The following RABGAP1L variants were observed in gnomAD, a reference collection of about 807,000 sequenced individuals.
The protein encoded by RABGAP1L is RAB GTPase activating protein 1 like.
Under a neutral mutation model 137.7 loss-of-function variants are expected in RABGAP1L, and 63 were observed. That is an observed-to-expected ratio of 0.46 (90% confidence interval 0.37 to 0.56). The LOEUF is 0.56. Among genes scored for constraint, RABGAP1L ranks in the 20% least tolerant of loss-of-function variants. The pLI is 0.00. For missense variants in RABGAP1L, 1,095 were observed against 1,244.0 expected (o/e 0.88, Z 1.80); for synonymous variants, 431 against 433.7 (o/e 0.99, Z 0.08).
intron 20 of RABGAP1L, among the ~76,000 whole-genome samples, chr1:174,966,099 A>G (rs1248478682): frequency 6.6e-6 from 1 of 152,226 alleles, no homozygotes; most frequent in Non-Finnish European, 1.5e-5. Flanking sequence ...GTACTTTTCC[A>G]TGAACATCCT....
At chr1:174,706,541 TAA>T (rs1558002539) in intron 17 of RABGAP1L, among the ~76,000 whole-genome samples, 2 of 152,124 alleles carry the variant, frequency 1.3e-5, no homozygotes, top group South Asian at 4.1e-4. Flanking sequence ...CTATCGATAA[TAA>T]AACATTGCAG....
rs188709915 is a variant in RABGAP1L, at chr1:174,495,839, A to T, written c.1710+101694A>T. On this transcript the variant is annotated intron_variant, in intron 13 of 25. Transcript: ENST00000681986. ...CCACACATCATTTTGCACACATATG[A>T]GTTTATCGATAGGATAAATTCCCAG... Among the ~76,000 whole-genome samples the T allele has an allele frequency of 2.4e-3, 361 of 152,298 alleles. 1 individual carries two copies. Among genetic ancestry groups the T allele is most frequent in the Middle Eastern group, 3.4e-3 (1 of 294 alleles).
chr1:174,987,284 AGCCGCCTGAGTAGCTGGGACTATAG>A (rs548320402), intron 24 of RABGAP1L, among the ~76,000 whole-genome samples: 15 of 152,104 alleles, frequency 9.9e-5, no homozygotes, highest in Admixed American at 2.6e-4. Flanking sequence ...CTTCTGCCTC[AGCCGCCTGAGTAGCTGGGACTATAG>A]GTGCCCGCCA....
chr1:174,240,862 ATGAGT>A (rs1477694524), intron 4 of RABGAP1L, among the ~76,000 whole-genome samples: 3 of 152,210 alleles, frequency 2.0e-5, no homozygotes, highest in African/African-American at 7.2e-5. Context: ...TTTGGAGTAA[ATGAGT>A]TGGTTCATAG....
intron 13 of RABGAP1L, among the ~76,000 whole-genome samples, chr1:174,628,253 AGTGT>A (rs1232451281): frequency 6.6e-6 from 1 of 152,192 alleles, no homozygotes; most frequent in Non-Finnish European, 1.5e-5. Context: ...AATTAAACAG[AGTGT>A]GTGTGCATTA....
intron 1 of RABGAP1L, among the ~76,000 whole-genome samples, chr1:174,190,560 A>G (rs1260745961): frequency 1.3e-5 from 2 of 152,198 alleles, no homozygotes; most frequent in African/African-American, 2.4e-5. Context: ...GTTAGAGCCT[A>G]GCTCTGGATT....
intron 13 of RABGAP1L, among the ~76,000 whole-genome samples, chr1:174,434,527 A>G (rs749307378): frequency 2.0e-5 from 3 of 152,174 alleles, no homozygotes; most frequent in Non-Finnish European, 4.4e-5. Flanking sequence ...TTTTAATGTC[A>G]TAAGAAAATT....
chr1:174,319,869 T>G lies in RABGAP1L; in HGVS notation c.1465+14742T>G, dbSNP rs954064824. ...TTTTTGAATGTTCCTCTGCGGTTAT[T>G]TAGTTAGCACTCTTTACTTTCTCGT... On this transcript the variant is annotated intron_variant, in intron 11 of 25. Coordinates refer to ENST00000681986, the MANE Select transcript of RABGAP1L (RefSeq NM_001366446.1). Among the ~76,000 whole-genome samples the G allele has an allele frequency of 2.0e-5, 3 of 152,160 alleles. No homozygotes were observed. The South Asian group carries it at 6.2e-4, about 32-fold the overall frequency.
At chr1:174,339,396 TAAGTGAGCCTAAAC>T (rs1423922754) in intron 11 of RABGAP1L, among the ~76,000 whole-genome samples, 1 of 152,164 alleles carries the variant, frequency 6.6e-6, no homozygotes, top group African/African-American at 2.4e-5. Context: ...TTTGGTCATT[TAAGTGAGCCTAAAC>T]AAGTTGTCAG....
In RABGAP1L at chr1:174,272,437, C is replaced by G; in HGVS notation, c.1010C>G (p.Pro337Arg). 1.2e-6 allele frequency: 2 copies of G among 1,601,772 alleles called. No homozygotes were observed. The highest frequency in any genetic ancestry group is 1.7e-6 in the Non-Finnish European group (2 of 1,175,358). The change falls in exon 8 of 26, where the codon CCA becomes CGA. Residue 337 changes from proline (P) to arginine (R), a missense_variant. Transcript: ENST00000681986. ...AGATGTTTTGGAATGTTATTAAGCC[C>G]AGGTCGAAACGTGAAGAACAGTGAC... The part of the protein sequence containing the change: ...IERCFGMLLS[P>R]GRNVKNSDMH...
Position 174,165,429 on chromosome 1 carries a change from C to T in RABGAP1L, c.-34+5772C>T, listed in dbSNP as rs140151074. 4.2e-3 allele frequency among the ~76,000 whole-genome samples: 636 copies of T among 150,706 alleles called. 4 individuals carry two copies. The highest frequency in any genetic ancestry group is 0.015 in the African/African-American group (599 of 41,002). ...CCTCCCAAAGTGCTGGGATTACAGG[C>T]GTGAGCCACCGTGCCCGGTCTACTT... On this transcript the variant is annotated intron_variant, in intron 1 of 25. Transcript: ENST00000681986.
At chr1:174,253,264 A>T (rs2148603296) in intron 7 of RABGAP1L, among the ~76,000 whole-genome samples, 1 of 152,300 alleles carries the variant, frequency 6.6e-6, no homozygotes, top group East Asian at 1.9e-4. Context: ...GGGAAATGCG[A>T]ATTATAGTAA....
intron 13 of RABGAP1L, among the ~76,000 whole-genome samples, chr1:174,454,117 G>T (rs577470609): frequency 1.5e-3 from 223 of 152,136 alleles, no homozygotes; most frequent in African/African-American, 5.0e-3. Flanking sequence ...ACAAAAATTA[G>T]CTGGGTATGG....
intron 8 of RABGAP1L, among the ~76,000 whole-genome samples, chr1:174,273,914 A>G (rs2148665183): frequency 6.6e-6 from 1 of 152,296 alleles, no homozygotes; most frequent in South Asian, 2.1e-4. Context: ...GAAGGGGCTT[A>G]CTTGCAACAA....
rs540984062 is a variant in RABGAP1L at position 174,626,123 on chromosome 1, G to T, written c.1711-11252G>T. 9.2e-5 allele frequency among the ~76,000 whole-genome samples: 14 copies of T among 152,282 alleles called. No homozygotes were observed. In the South Asian group the frequency reaches 2.5e-3, roughly 27 times the overall value. On this transcript the variant is annotated intron_variant, in intron 13 of 25. Transcript: ENST00000681986. Reference sequence around the variant, plus strand: ...AATTCCAAAAATGTCAAGTTCCCCAGTTGGGACAATGAACAGTCAGCAACC... The same window carrying T: ...AATTCCAAAAATGTCAAGTTCCCCATTTGGGACAATGAACAGTCAGCAACC...
chr1:174,195,696 C>CT (rs1558021446), intron 1 of RABGAP1L, among the ~76,000 whole-genome samples: 5 of 111,030 alleles, frequency 4.5e-5, no homozygotes, highest in South Asian at 2.8e-4. Context: ...TTCCTTCTTT[C>CT]CTTCTTTCCT....
At chr1:174,689,914 A>G (rs1678756097) in intron 15 of RABGAP1L, among the ~76,000 whole-genome samples, 1 of 152,226 alleles carries the variant, frequency 6.6e-6, no homozygotes, top group Non-Finnish European at 1.5e-5. Flanking sequence ...CTTGAGTGAT[A>G]TACTTACTAC....
chr1:174,479,439 T>C (rs1437953955), intron 13 of RABGAP1L, among the ~76,000 whole-genome samples: 1 of 152,156 alleles, frequency 6.6e-6, no homozygotes, highest in Non-Finnish European at 1.5e-5. Flanking sequence ...ACCCAGGAAT[T>C]TGCACTTTTG....
intron 14 of RABGAP1L, among the ~76,000 whole-genome samples, chr1:174,657,068 T>C (rs1012504435): frequency 6.6e-6 from 1 of 152,196 alleles, no homozygotes; most frequent in African/African-American, 2.4e-5. Context: ...TCTGAGTCTT[T>C]CAAAGCCTTT....
Sources: gnomAD v4.1 joint callset for allele counts (sites outside exome capture counted in the v4.1 genomes callset) on GRCh38, gnomAD v4.1.1 for gene constraint, MANE v1.5 for transcripts, NCBI Gene and HGNC (gene_info 2026-07-23, HGNC 2026-07-21) for gene names.